The following MAST2 variants were observed in gnomAD, a reference collection of about 807,000 sequenced individuals.
MAST2 encodes the protein microtubule-associated serine/threonine-protein kinase 2.
A neutral mutation model predicts 147.4 loss-of-function variants in MAST2; 70 were observed. That is an observed-to-expected ratio of 0.47 (90% CI 0.39 to 0.58). The LOEUF (loss-of-function observed/expected upper bound fraction) is 0.58. MAST2 is among the 20% of genes least tolerant of loss of function. MAST2 has a pLI of 0.00. For synonymous variants in MAST2, 869 were observed against 896.8 expected (o/e 0.97, Z 0.55); for missense variants, 2,080 against 2,302.3 (o/e 0.90, Z 1.98).
intron 9 of MAST2, among the ~76,000 whole-genome samples, chr1:46,008,858 C>T (rs1645596873): frequency 6.6e-6 from 1 of 152,138 alleles, no homozygotes; most frequent in South Asian, 2.1e-4. Context: ...GGCAAGAAGG[C>T]CAGAGAGAGC....
chr1:46,027,657 C>T (rs1646471052), intron 16 of MAST2, 74 bp from the exon 17 acceptor site: 8 of 1,504,714 alleles, frequency 5.3e-6, no homozygotes, highest in Non-Finnish European at 7.2e-6. Context: ...AGTGGGGAAA[C>T]TGGGCATATA....
intron 26 of MAST2, 111 bp downstream of exon 26, chr1:46,032,829 A>G (rs1277021028): frequency 1.5e-5 from 21 of 1,417,486 alleles, no homozygotes; most frequent in Non-Finnish European, 1.9e-5. Flanking sequence ...TACACCGAGT[A>G]TGGATGTAGG....
intron 4 of MAST2, among the ~76,000 whole-genome samples, chr1:45,951,786 A>G (rs2148866021): frequency 6.6e-6 from 1 of 152,338 alleles, no homozygotes; most frequent in East Asian, 1.9e-4. Flanking sequence ...AGAAATGGGA[A>G]GATATAAACT....
chr1:45,856,230 T>TG (rs1645784616), intron 3 of MAST2, among the ~76,000 whole-genome samples: 1 of 152,096 alleles, frequency 6.6e-6, no homozygotes, highest in South Asian at 2.1e-4. Context: ...GAGGCTGAGG[T>TG]GGGGGGATTG....
At chr1:45,878,930 CT>C (rs34533331) in intron 3 of MAST2, among the ~76,000 whole-genome samples, 29,559 of 145,750 alleles carry the variant, frequency 0.2, 3,369 homozygotes, top group Non-Finnish European at 0.27. Context: ...TCCCAGCAGG[CT>C]TTTTTTTTTT....
chr1:45,951,500 C>A (rs1658926457), intron 4 of MAST2, among the ~76,000 whole-genome samples: 1 of 151,946 alleles, frequency 6.6e-6, no homozygotes, highest in Admixed American at 6.6e-5. Flanking sequence ...GGAGGATCAC[C>A]TGAGCCCAGG....
intron 16 of MAST2, among the ~76,000 whole-genome samples, chr1:46,027,456 C>T (rs900231590): frequency 1.3e-5 from 2 of 152,190 alleles, no homozygotes; most frequent in African/African-American, 4.8e-5. Flanking sequence ...CTGAATGACT[C>T]CTGCCCCCAA....
intron 4 of MAST2, among the ~76,000 whole-genome samples, chr1:45,920,623 G>T (rs1653308658): frequency 6.6e-6 from 1 of 152,130 alleles, no homozygotes; most frequent in Admixed American, 6.5e-5. Context: ...ATTGCTTTAT[G>T]AGATTATTGG....
intron 3 of MAST2, among the ~76,000 whole-genome samples, chr1:45,835,414 T>C (rs1645075256): frequency 6.6e-6 from 1 of 152,112 alleles, no homozygotes; most frequent in Non-Finnish European, 1.5e-5. Flanking sequence ...GTTCAAGTCA[T>C]GATTACCAAT....
At chr1:45,914,336 A>C (rs1421710229) in intron 4 of MAST2, among the ~76,000 whole-genome samples, 1 of 152,184 alleles carries the variant, frequency 6.6e-6, no homozygotes, top group Admixed American at 6.5e-5. Context: ...TGGGTCCTTT[A>C]GGGTGTGACC....
At chr1:46,017,761 G>A (rs1424670847) in intron 10 of MAST2, among the ~76,000 whole-genome samples, 12 of 152,118 alleles carry the variant, frequency 7.9e-5, no homozygotes, top group Non-Finnish European at 4.4e-5. Context: ...TCAGTGGGGC[G>A]ATTCCTCAGG....
chr1:45,812,299 CAG>C, intron 1 of MAST2, among the ~76,000 whole-genome samples: 1 of 152,000 alleles, frequency 6.6e-6, no homozygotes, highest in East Asian at 1.9e-4. Context: ...GTACTGGGAG[CAG>C]AGAGTCTATG....
At chr1:46,004,144 C>T (rs1237768815) in intron 7 of MAST2, among the ~76,000 whole-genome samples, 2 of 152,058 alleles carry the variant, frequency 1.3e-5, no homozygotes, top group East Asian at 3.9e-4. Context: ...GCAGGCTGAT[C>T]GCAAGGTCAG....
chr1:45,820,758 T>C (rs1644596724), intron 1 of MAST2, among the ~76,000 whole-genome samples: 2 of 151,778 alleles, frequency 1.3e-5, no homozygotes, highest in South Asian at 4.2e-4. Context: ...TTCTGTTTAG[T>C]GTCCTTTCAT....
chr1:45,968,300 G>GAAA (rs1248904882), intron 5 of MAST2, among the ~76,000 whole-genome samples: 16 of 152,252 alleles, frequency 1.1e-4, no homozygotes, highest in Non-Finnish European at 1.2e-4. Context: ...TTCATGTAGA[G>GAAA]TTCACTTTCT....
chr1:45,963,323 G>T (rs941997347), intron 5 of MAST2, among the ~76,000 whole-genome samples: 4 of 152,170 alleles, frequency 2.6e-5, no homozygotes, highest in African/African-American at 7.2e-5. Flanking sequence ...AGCTTGATGG[G>T]GGTGGCATTG....
intron 4 of MAST2, among the ~76,000 whole-genome samples, chr1:45,934,845 A>C (rs11211229): frequency 0.34 from 51,590 of 152,134 alleles, 9,132 homozygotes; most frequent in African/African-American, 0.43. Flanking sequence ...TATAGTGAAT[A>C]GTGCTGTGAT....
chr1:45,965,525 T>C (rs1050073590), intron 5 of MAST2, among the ~76,000 whole-genome samples: 71 of 152,194 alleles, frequency 4.7e-4, no homozygotes, highest in Non-Finnish European at 9.6e-4. Flanking sequence ...AAGTCTGTTT[T>C]ATCAGAGACT....
At chr1:45,862,859 G>A (rs1380807153) in intron 3 of MAST2, among the ~76,000 whole-genome samples, 1 of 152,142 alleles carries the variant, frequency 6.6e-6, no homozygotes, top group East Asian at 1.9e-4. Flanking sequence ...TGACCAAATG[G>A]CACTTCCACT....
Sources: gnomAD v4.1 joint callset for allele counts (sites outside exome capture counted in the v4.1 genomes callset) on GRCh38, gnomAD v4.1.1 for gene constraint, MANE v1.5 for transcripts, NCBI Gene and HGNC (gene_info 2026-07-23, HGNC 2026-07-21) for gene names.